BBS9: variants seen among roughly 807,000 people sequenced by gnomAD.
The protein encoded by BBS9 is protein PTHB1.
Under a neutral mutation model 117.7 loss-of-function variants are expected in BBS9, and 89 were observed. The observed-to-expected ratio is 0.76, with a 90% confidence interval of 0.64 to 0.90. The LOEUF is 0.90. BBS9 is among the 40% of genes least tolerant of loss of function. BBS9 has a pLI of 0.00. For missense variants in BBS9, 982 were observed against 1,042.2 expected (o/e 0.94, Z 0.80); for synonymous variants, 379 against 370.9 (o/e 1.02, Z -0.25).
At chr7:33,232,566 A>T (rs1442873998) in intron 5 of BBS9, among the ~76,000 whole-genome samples, 1 of 152,050 alleles carries the variant, frequency 6.6e-6, no homozygotes, top group Non-Finnish European at 1.5e-5. Flanking sequence ...CATTATTTTT[A>T]CTTCCTTAGG....
intron 21 of BBS9, among the ~76,000 whole-genome samples, chr7:33,580,917 C>T (rs1859762739): frequency 6.6e-6 from 1 of 152,066 alleles, no homozygotes; most frequent in South Asian, 2.1e-4. Flanking sequence ...CATTGTGAAC[C>T]ACATCATTTA....
intron 1 of BBS9, among the ~76,000 whole-genome samples, chr7:33,139,998 C>A (rs1203004457): frequency 6.6e-6 from 1 of 151,946 alleles, no homozygotes; most frequent in Non-Finnish European, 1.5e-5. Flanking sequence ...TCAGTGAATG[C>A]CCCTGTTAAG....
At chr7:33,137,029 T>C (rs1790590574) in intron 1 of BBS9, among the ~76,000 whole-genome samples, 1 of 152,212 alleles carries the variant, frequency 6.6e-6, no homozygotes, top group African/African-American at 2.4e-5. Context: ...TTATTTCTTC[T>C]TGAGTCAGCA....
At chr7:33,490,902 G>A (rs1843799271) in intron 19 of BBS9, among the ~76,000 whole-genome samples, 1 of 152,180 alleles carries the variant, frequency 6.6e-6, no homozygotes, top group Non-Finnish European at 1.5e-5. Context: ...GACAGAACAT[G>A]GGCTTTGTTG....
chr7:33,396,967 G>T (rs992329141), intron 19 of BBS9, among the ~76,000 whole-genome samples: 1 of 152,012 alleles, frequency 6.6e-6, no homozygotes, highest in Non-Finnish European at 1.5e-5. Context: ...AATTGAAACT[G>T]GACCTCTTCC....
intron 2 of BBS9, among the ~76,000 whole-genome samples, chr7:33,148,552 AG>A (rs1296742932): frequency 6.6e-6 from 1 of 151,924 alleles, no homozygotes; most frequent in Non-Finnish European, 1.5e-5. Context: ...TAGTAGAGAC[AG>A]GGTTTTGCCA....
intron 5 of BBS9, among the ~76,000 whole-genome samples, chr7:33,246,014 G>C (rs1270946877): frequency 6.6e-6 from 1 of 151,958 alleles, no homozygotes; most frequent in Non-Finnish European, 1.5e-5. Context: ...TTTTTGAGTG[G>C]GTTGATAACA....
At chr7:33,595,565 G>C (rs1862608482) in intron 21 of BBS9, among the ~76,000 whole-genome samples, 1 of 152,130 alleles carries the variant, frequency 6.6e-6, no homozygotes, top group African/African-American at 2.4e-5. Flanking sequence ...GGAGAAATAG[G>C]AACACTTTTA....
chr7:33,478,381 T>C (rs573421705), intron 19 of BBS9, among the ~76,000 whole-genome samples: 1 of 152,324 alleles, frequency 6.6e-6, no homozygotes, highest in African/African-American at 2.4e-5. Flanking sequence ...TATGTAATTT[T>C]ATTATTCATT....
chr7:33,231,077 G>A (rs1345308), intron 5 of BBS9, among the ~76,000 whole-genome samples: 125,454 of 152,166 alleles, frequency 0.82, 51,738 homozygotes, highest in Admixed American at 0.86. Context: ...CATCTGTGCC[G>A]ATATCTATTC....
chr7:33,288,662 A>G (rs1352905323), intron 9 of BBS9, among the ~76,000 whole-genome samples: 1 of 152,188 alleles, frequency 6.6e-6, no homozygotes, highest in African/African-American at 2.4e-5. Context: ...GTTGATAGTT[A>G]GCATGAAGTA....
intron 6 of BBS9, among the ~76,000 whole-genome samples, chr7:33,261,249 ATTAC>A (rs1797936974): frequency 6.6e-6 from 1 of 152,062 alleles, no homozygotes; most frequent in Admixed American, 6.6e-5. Flanking sequence ...TCCCTTAGGT[ATTAC>A]TTATGCTTTC....
At chr7:33,228,261 CTGTT>C (rs1030269648) in intron 5 of BBS9, among the ~76,000 whole-genome samples, 4 of 152,096 alleles carry the variant, frequency 2.6e-5, no homozygotes, top group African/African-American at 9.6e-5. Context: ...TGTTTGTTGA[CTGTT>C]TGTATATCCT....
At chr7:33,465,521 A>G (rs569096531) in intron 19 of BBS9, among the ~76,000 whole-genome samples, 14 of 152,230 alleles carry the variant, frequency 9.2e-5, no homozygotes, top group African/African-American at 3.1e-4. Flanking sequence ...CACTCTATAA[A>G]TATTAACGGA....
At chr7:33,407,166 C>T (rs904121861) in intron 19 of BBS9, among the ~76,000 whole-genome samples, 18 of 152,280 alleles carry the variant, frequency 1.2e-4, no homozygotes, top group Middle Eastern at 3.4e-3. Context: ...CTTCCCTTCT[C>T]GCTTCATTTC....
At position 33,522,317 on chromosome 7, in the gene BBS9, G is replaced by A. The variant is rs535497748; in HGVS notation, c.2299-11637G>A. 2.4e-4 allele frequency among the ~76,000 whole-genome samples: 37 copies of A among 151,864 alleles called. No individual in the cohort carries two copies. In the South Asian group the frequency reaches 6.5e-3, roughly 27 times the overall value. ...TCTAGTTCTAGATCCCTGAGGAATC[G>A]CCACACTGACTTCCACAATGGTTGA... On this transcript the variant is annotated intron_variant, in intron 20 of 22. Transcript: ENST00000242067.
intron 5 of BBS9, among the ~76,000 whole-genome samples, chr7:33,219,149 C>T (rs1479470668): frequency 6.6e-6 from 1 of 152,218 alleles, no homozygotes; most frequent in Admixed American, 6.5e-5. Flanking sequence ...TACTGGGTCC[C>T]CCAGCAGTGC....
chr7:33,160,936 T>C (rs901508577), intron 4 of BBS9, among the ~76,000 whole-genome samples: 1 of 152,142 alleles, frequency 6.6e-6, no homozygotes. Flanking sequence ...GGAAAGCTTT[T>C]ATACAACCAG....
intron 19 of BBS9, among the ~76,000 whole-genome samples, chr7:33,408,039 G>T (rs1002990638): frequency 2.6e-5 from 4 of 152,346 alleles, no homozygotes; most frequent in Admixed American, 2.6e-4. Context: ...TGCCCCCAGA[G>T]GTGGAGCCTA....
Sources: allele counts gnomAD v4.1 joint callset (sites outside exome capture counted in the v4.1 genomes callset), GRCh38; gene constraint gnomAD v4.1.1; transcripts MANE v1.5; gene names NCBI Gene and HGNC (gene_info 2026-07-23, HGNC 2026-07-21).